The following ASTN2 variants were observed in gnomAD, a reference collection of about 807,000 sequenced individuals.
ASTN2 encodes astrotactin 2, also known as astrotactin-2.
Under a neutral mutation model 139.8 loss-of-function variants are expected in ASTN2, and 54 were observed. The observed-to-expected ratio is 0.39, with a 90% CI of 0.31 to 0.48. The LOEUF (loss-of-function observed/expected upper bound fraction) is 0.48. Among genes scored for constraint, ASTN2 ranks in the 20% least tolerant of loss-of-function variants. ASTN2 has a pLI of 0.95. For missense variants in ASTN2, 1,565 were observed against 1,725.1 expected, an observed-to-expected ratio of 0.91 and a Z score of 1.64; for synonymous variants, 756 against 719.5, an observed-to-expected ratio of 1.05 and a Z score of -0.81.
chr9:116,601,141 T>C (rs933401602), intron 19 of ASTN2, among the ~76,000 whole-genome samples: 1 of 152,158 alleles, frequency 6.6e-6, no homozygotes, highest in Admixed American at 6.5e-5. Flanking sequence ...CCAAATCTAA[T>C]CTAAGGATTC....
intron 3 of ASTN2, among the ~76,000 whole-genome samples, chr9:117,195,236 A>G (rs949420294): frequency 2.0e-5 from 3 of 152,236 alleles, no homozygotes. Flanking sequence ...TTAAACTGAG[A>G]TCAGAATGAT....
At chr9:117,286,542 T>C (rs1834455589) in intron 2 of ASTN2, among the ~76,000 whole-genome samples, 1 of 152,162 alleles carries the variant, frequency 6.6e-6, no homozygotes, top group Admixed American at 6.5e-5. Flanking sequence ...CCTCTTTCTT[T>C]ATCCTGCAAG....
At chr9:116,633,884 C>T (rs1453504873) in intron 17 of ASTN2, among the ~76,000 whole-genome samples, 1 of 152,132 alleles carries the variant, frequency 6.6e-6, no homozygotes, top group South Asian at 2.1e-4. Flanking sequence ...GCTGAGGAAG[C>T]TTGGAAGTGG....
At chr9:116,927,571 T>C (rs891967330) in intron 10 of ASTN2, among the ~76,000 whole-genome samples, 2 of 152,228 alleles carry the variant, frequency 1.3e-5, no homozygotes, top group South Asian at 2.1e-4. Context: ...GAGAATTGTC[T>C]TGGCCACAGT....
intron 13 of ASTN2, among the ~76,000 whole-genome samples, chr9:116,767,097 C>T (rs1564255645): frequency 6.6e-6 from 1 of 152,122 alleles, no homozygotes; most frequent in African/African-American, 2.4e-5. Flanking sequence ...CATTCATGCT[C>T]ACATACAGTT....
At chr9:116,741,181 C>T (rs781387921) in intron 13 of ASTN2, among the ~76,000 whole-genome samples, 2 of 152,108 alleles carry the variant, frequency 1.3e-5, no homozygotes, top group Non-Finnish European at 2.9e-5. Flanking sequence ...GTTTTGGGTA[C>T]ATTAATACAC....
intron 7 of ASTN2, among the ~76,000 whole-genome samples, chr9:117,003,953 C>CGCGTGTGTGT (rs1218309835): frequency 5.8e-4 from 85 of 146,278 alleles, no homozygotes; most frequent in African/African-American, 2.1e-3. Flanking sequence ...CGCGCGCGCG[C>CGCGTGTGTGT]GTGTGTGTGT....
rs386416022 is a variant in ASTN2 at position 116,504,895 on chromosome 9, C to CAAAAA, written c.3356-17400_3356-17396dup. Reference sequence around the variant, plus strand: ...TGGATGACCAAGTGAAATCCTGTCTCAAAAAAAAAAAAAAAAAAACCCAAA... The same window carrying CAAAAA: ...TGGATGACCAAGTGAAATCCTGTCTCAAAAAAAAAAAAAAAAAAAAAAAACCCAAA... On this transcript the variant is annotated intron_variant, in intron 19 of 22. Coordinates refer to ENST00000313400, the MANE Select transcript of ASTN2 (RefSeq NM_001365068.1). 3.4e-3 allele frequency among the ~76,000 whole-genome samples: 309 copies of CAAAAA among 91,470 alleles called. 6 individuals are homozygous for CAAAAA. The highest frequency in any genetic ancestry group is 6.7e-3 in the Middle Eastern group (1 of 150). 60.0% of individuals were successfully genotyped at this position (91,470 alleles called of 152,430 possible).
At chr9:117,137,826 T>C (rs1244982388) in intron 4 of ASTN2, among the ~76,000 whole-genome samples, 1 of 152,176 alleles carries the variant, frequency 6.6e-6, no homozygotes, top group Non-Finnish European at 1.5e-5. Flanking sequence ...CCTGCAGAAA[T>C]TGTATCCCAT....
chr9:116,783,529 A>T (rs1023156557), intron 13 of ASTN2, among the ~76,000 whole-genome samples: 2 of 152,196 alleles, frequency 1.3e-5, no homozygotes, highest in African/African-American at 4.8e-5. Flanking sequence ...CTGTTGCTTT[A>T]AACATTGTAT....
In ASTN2 at chr9:116,894,670, C is replaced by T. The variant is rs1341127316; in HGVS notation, c.1890-30937G>A. On this transcript the variant is annotated intron_variant, in intron 10 of 22. Coordinates refer to ENST00000313400, the MANE Select transcript of ASTN2 (RefSeq NM_001365068.1). ...ATGCCTGGGCTGGCCTCCTGGGATC[C>T]TGGGCTCAAGTGATTCTTCTGCCTT... Among the ~76,000 whole-genome samples, 11 of 152,240 alleles carry T rather than the reference C, an allele frequency of 7.2e-5. No individual in the cohort carries two copies. The East Asian group carries it at 2.1e-3, about 29-fold the overall frequency.
intron 12 of ASTN2, 124 bp from the exon 13 acceptor site, chr9:116,805,944 CT>C (rs1831019058): frequency 2.2e-6 from 2 of 906,610 alleles, no homozygotes; most frequent in African/African-American, 1.7e-5. Flanking sequence ...GACAGCTATT[CT>C]ACCTGGAATC....
At chr9:116,529,461 C>A (rs1012573826) in intron 19 of ASTN2, among the ~76,000 whole-genome samples, 22 of 152,226 alleles carry the variant, frequency 1.4e-4, no homozygotes, top group African/African-American at 5.3e-4. Context: ...TTTACAGGCT[C>A]ATAGGCAGAA....
At position 116,725,762 on chromosome 9, in the gene ASTN2, C is replaced by A; in HGVS notation, c.2806+9G>T. 1 of 1,611,172 alleles carries A rather than the reference C, an allele frequency of 6.2e-7. No individual in the cohort carries two copies. The highest frequency in any genetic ancestry group is 8.5e-7 in the Non-Finnish European group (1 of 1,179,126). On this transcript the variant is annotated intron_variant, in intron 16 of 22. Coordinates refer to ENST00000313400, the MANE Select transcript of ASTN2 (RefSeq NM_001365068.1). Reference sequence around the variant, plus strand: ...TGGCCACCTCCTACAGTAGGCACTCCGGGCTTACCTTTCTGATACTGGAGC... The same window carrying A: ...TGGCCACCTCCTACAGTAGGCACTCAGGGCTTACCTTTCTGATACTGGAGC...
chr9:117,049,845 G>A lies in ASTN2; in HGVS notation c.1277-9880C>T, dbSNP rs370605545. Among the ~76,000 whole-genome samples, 5 of 152,134 alleles carry A rather than the reference G, an allele frequency of 3.3e-5. No homozygotes were observed. The East Asian group carries it at 5.8e-4, about 18-fold the overall frequency. ...TTCAACGTATATTTAGCAGGCTGACGAAATGCATTAGTGGAAGGAAAAAGA... is the reference window on the plus strand; with the variant it reads ...TTCAACGTATATTTAGCAGGCTGACAAAATGCATTAGTGGAAGGAAAAAGA... On this transcript the variant is annotated intron_variant, in intron 5 of 22. Coordinates refer to ENST00000313400, the MANE Select transcript of ASTN2 (RefSeq NM_001365068.1).
intron 10 of ASTN2, among the ~76,000 whole-genome samples, chr9:116,911,982 G>T (rs1834325482): frequency 6.6e-6 from 1 of 152,058 alleles, no homozygotes; most frequent in African/African-American, 2.4e-5. Flanking sequence ...AAAAAAACTT[G>T]CCTAGAAACA....
chr9:116,614,192 A>T lies in ASTN2; in HGVS notation c.3355+4132T>A, dbSNP rs140092807. On this transcript the variant is annotated intron_variant, in intron 19 of 22. Transcript: ENST00000313400. Reference sequence around the variant, plus strand: ...GATGTGAAGGACCTCTTCACGAAGAACTACAAACCACTGCTCAACAAAATA... The same window carrying T: ...GATGTGAAGGACCTCTTCACGAAGATCTACAAACCACTGCTCAACAAAATA... 6.3e-3 allele frequency among the ~76,000 whole-genome samples: 958 copies of T among 152,306 alleles called. 14 individuals are homozygous for T. The highest frequency in any genetic ancestry group is 0.022 in the African/African-American group (898 of 41,560).
intron 19 of ASTN2, among the ~76,000 whole-genome samples, chr9:116,569,226 A>G (rs1853387669): frequency 6.6e-6 from 1 of 152,222 alleles, no homozygotes; most frequent in South Asian, 2.1e-4. Context: ...GTCACTGGCT[A>G]GCCGTGCAAC....
chr9:117,055,720 A>T (rs1424074602), intron 5 of ASTN2, among the ~76,000 whole-genome samples: 1 of 152,196 alleles, frequency 6.6e-6, no homozygotes, highest in Non-Finnish European at 1.5e-5. Flanking sequence ...TGTCACCTGA[A>T]ATGAAAGAAG....
Sources: gnomAD v4.1 joint callset for allele counts (sites outside exome capture counted in the v4.1 genomes callset) on GRCh38, gnomAD v4.1.1 for gene constraint, MANE v1.5 for transcripts, NCBI Gene and HGNC (gene_info 2026-07-23, HGNC 2026-07-21) for gene names.